KIF7: variants seen among roughly 807,000 people sequenced by gnomAD.
KIF7 encodes the protein kinesin family member 7.
KIF7 carries 104 observed loss-of-function variants against 135.7 expected under a neutral mutation model. That is an observed-to-expected ratio of 0.77 (90% CI 0.65 to 0.90). KIF7 has a LOEUF of 0.90. Ranked by LOEUF, KIF7 falls within the 40% of genes least tolerant of loss-of-function variation. The pLI, the probability that KIF7 is intolerant of heterozygous loss-of-function variation, is 0.00. For missense variants in KIF7, 2,005 were observed against 1,839.1 expected (o/e 1.09, Z -1.65); for synonymous variants, 883 against 809.4 (o/e 1.09, Z -1.54).
chr15:89,634,669 G>A (rs563736053), intron 11 of KIF7, among the ~76,000 whole-genome samples: 1 of 152,374 alleles, frequency 6.6e-6, no homozygotes, highest in East Asian at 1.9e-4. Flanking sequence ...ATGGCTCAGA[G>A]GGTCCTACGC....
At chr15:89,629,153 G>A (rs1467553558) in intron 17 of KIF7, 31 bp from the exon 18 acceptor site, 1 of 1,609,426 alleles carries the variant, frequency 6.2e-7, no homozygotes, top group African/African-American at 1.4e-5. Context: ...AGAGGGTGGT[G>A]AGGGCTGCAG....
At chr15:89,640,360 G>T (rs1036366626) in intron 11 of KIF7, among the ~76,000 whole-genome samples, 1 of 151,998 alleles carries the variant, frequency 6.6e-6, no homozygotes, top group African/African-American at 2.4e-5. Context: ...CGACATTTAC[G>T]CACCAGGCAC....
At position 89,630,310 on chromosome 15, in the gene KIF7, G is replaced by T; in HGVS notation, c.3295C>A (p.Leu1099Ile). ...ACCTTGTCAAAATACTTGCAGAGGA[G>T]GGCTCTGGTCTCTGAGGATGAGAGG... ...SYLSSSETRALLCKYFDKVVT... is the reference protein window; with the variant it reads ...SYLSSSETRAILCKYFDKVVT... Residue 1099 changes from leucine to isoleucine, a missense_variant, in exon 16 of 19, where the codon CTC becomes ATC. Coordinates refer to ENST00000394412, the MANE Select transcript of KIF7 (RefSeq NM_198525.3). The T allele has an allele frequency of 6.2e-7, 1 of 1,614,156 alleles. No individual in the cohort carries two copies. Among genetic ancestry groups the T allele is most frequent in the Non-Finnish European group, 8.5e-7 (1 of 1,180,036 alleles).
At chr15:89,623,702 C>T (rs201365800), downstream of KIF7, 482 of 1,614,032 alleles carry the variant, frequency 3.0e-4, 4 homozygotes, top group South Asian at 4.4e-3. Flanking sequence ...CCACAAACTC[C>T]GTTGTATACT....
intron 9 of KIF7, 25 bp downstream of exon 9, chr15:89,645,311 C>T (rs376746807): frequency 2.3e-5 from 37 of 1,606,798 alleles, no homozygotes; most frequent in Admixed American, 5.0e-5. Flanking sequence ...GGGAGGAGGC[C>T]CTCTCTGCAT....
upstream of KIF7, among the ~76,000 whole-genome samples, chr15:89,658,768 G>A (rs1032860415): frequency 6.6e-6 from 1 of 152,144 alleles, no homozygotes; most frequent in South Asian, 2.1e-4. Context: ...GGAGGCTGAG[G>A]TGATAGGATA....
chr15:89,625,139 C>T (rs1963495991), downstream of KIF7: 1 of 1,613,786 alleles, frequency 6.2e-7, no homozygotes, highest in South Asian at 1.1e-5. Flanking sequence ...ATGCCCAGGG[C>T]CAGCAGGTCC....
rs777387974 is a variant in KIF7 at position 89,628,441 on chromosome 15, T to C, written c.4010A>G (p.Asp1337Gly). ...GGCTTACAGGGGGTTTTTCCGGACA[T>C]CAATCATCCCCGGGCTGGCTCGTCG... ...ELRRASPGMIDVRKNPL is the reference protein window; with the variant it reads ...ELRRASPGMIGVRKNPL Residue 1337 changes from aspartate (D) to glycine (G), a missense_variant, in exon 19 of 19, where the codon GAT becomes GGT. Coordinates refer to ENST00000394412, the MANE Select transcript of KIF7 (RefSeq NM_198525.3). 1.9e-6 allele frequency: 3 copies of C among 1,607,586 alleles called. No individual in the cohort carries two copies. The African/African-American group carries it at 4.0e-5, about 22-fold the overall frequency.
upstream of KIF7, among the ~76,000 whole-genome samples, chr15:89,656,676 C>A (rs1191902069): frequency 6.6e-6 from 1 of 152,198 alleles, no homozygotes; most frequent in Non-Finnish European, 1.5e-5. Context: ...GACCATGATT[C>A]AGGTACCAAG....
At chr15:89,662,299 C>G in the KIF7 span, among the ~76,000 whole-genome samples, 4 of 152,078 alleles carry the variant, frequency 2.6e-5, no homozygotes, top group Non-Finnish European at 4.4e-5. Flanking sequence ...GAGTTCGAGA[C>G]CAGCCTGGAC....
rs754712742 is a variant in KIF7 at position 89,628,438 on chromosome 15, A to ACAT, written c.4010_4012dup (p.Asp1337dup). ...GAGGGCTTACAGGGGGTTTTTCCGG[A>ACAT]CATCAATCATCCCCGGGCTGGCTCG... On this transcript the variant is annotated inframe_insertion, in exon 19 of 19. Transcript: ENST00000394412. The ACAT allele has an allele frequency of 1.9e-6, 3 of 1,606,848 alleles. No individual in the cohort carries two copies. In the East Asian group the frequency reaches 6.7e-5, roughly 36 times the overall value.
At chr15:89,620,649 T>G (rs1436183453) in intron 1 of KIF7, among the ~76,000 whole-genome samples, 1 of 108,726 alleles carries the variant, frequency 9.2e-6, no homozygotes, top group Non-Finnish European at 2.2e-5. Flanking sequence ...AGGTGGGATT[T>G]TCCCGAGTTG....
At chr15:89,623,687 A>C (rs371181668), downstream of KIF7, 3 of 1,614,022 alleles carry the variant, frequency 1.9e-6, no homozygotes. Context: ...AGGATCTCTC[A>C]TACACCACAA....
At chr15:89,638,723 G>C (rs1414193777) in intron 11 of KIF7, among the ~76,000 whole-genome samples, 2 of 151,472 alleles carry the variant, frequency 1.3e-5, no homozygotes, top group Non-Finnish European at 3.0e-5. Flanking sequence ...TACTGCCCAA[G>C]GTAATTTACA....
intron 17 of KIF7, 99 bp downstream of exon 17, chr15:89,629,276 A>C: frequency 2.9e-6 from 2 of 696,844 alleles, no homozygotes; most frequent in African/African-American, 3.7e-5. Context: ...TGTGAGTGGC[A>C]GGGGCGGTGG....
Position 89,628,487 on chromosome 15 carries a change from ACAAAGGCC to A in KIF7, c.3956_3963del (p.Gly1319ValfsTer16). 6.2e-7 allele frequency: 1 copy of A among 1,612,166 alleles called. No individual in the cohort carries two copies. The highest frequency in any genetic ancestry group is 1.3e-5 in the African/African-American group (1 of 74,986). On this transcript the variant is annotated frameshift_variant, in exon 19 of 19. Coordinates refer to ENST00000394412, the MANE Select transcript of KIF7 (RefSeq NM_198525.3). LOFTEE classifies it high-confidence loss of function. ...CGTCGCAGTTCCCGCCGGGGCTTGGACAAAGGCCCAAAGTTCCAGGGCAGGCCTGCCTC... is the reference window on the plus strand; with the variant it reads ...CGTCGCAGTTCCCGCCGGGGCTTGGACAAAGTTCCAGGGCAGGCCTGCCTC...
chr15:89,633,513 A>C (rs1216831890), intron 12 of KIF7, among the ~76,000 whole-genome samples, 173 bp downstream of exon 12: 1 of 152,190 alleles, frequency 6.6e-6, no homozygotes, highest in Admixed American at 6.5e-5. Context: ...CCTGGCCTTG[A>C]GTTTCCTATA....
upstream of KIF7, among the ~76,000 whole-genome samples, chr15:89,656,740 A>G (rs1399966682): frequency 6.6e-6 from 1 of 152,174 alleles, no homozygotes; most frequent in East Asian, 1.9e-4. Context: ...AGACAATTCA[A>G]TTAAGGAGAA....
chr15:89,645,825 T>G, intron 8 of KIF7, 68 bp downstream of exon 8: 1 of 1,575,830 alleles, frequency 6.3e-7, no homozygotes, highest in African/African-American at 1.4e-5. Context: ...GACGGTGCGA[T>G]CCCCAGCCTG....
Sources: allele counts gnomAD v4.1 joint callset (sites outside exome capture counted in the v4.1 genomes callset), GRCh38; gene constraint gnomAD v4.1.1; transcripts MANE v1.5; gene names NCBI Gene and HGNC (gene_info 2026-07-23, HGNC 2026-07-21).